Variants in ZBED6 observed in about 807,000 individuals in gnomAD.
ZBED6 encodes zinc finger BED-type containing 6, also known as zinc finger BED domain-containing protein 6.
ZBED6 carries 40 observed loss-of-function variants against 58.4 expected under a neutral mutation model. The ratio of observed to expected loss-of-function variants is 0.68; its 90% CI spans 0.53 to 0.89. ZBED6 has a LOEUF of 0.89. ZBED6 is among the 40% of genes least tolerant of loss of function. The probability of loss-of-function intolerance (pLI) is 0.00; values close to 1 mark genes in which losing one functional copy is unlikely to be tolerated. For missense variants in ZBED6, 1,057 were observed against 1,003.9 expected (o/e 1.05, Z -0.71); for synonymous variants, 439 against 350.6 (o/e 1.25, Z -2.82).
chr1:203,851,017 G>C (rs1395695418), intron 15 of ZBED6, 40 bp from the exon 16 acceptor site: 1 of 1,606,494 alleles, frequency 6.2e-7, no homozygotes, highest in Non-Finnish European at 8.5e-7. Context: ...AAATTAAAAA[G>C]CCTGACTCTC....
intron 11 of ZBED6, among the ~76,000 whole-genome samples, chr1:203,846,115 CAAAAAAA>C (rs34793133): frequency 1.1e-4 from 6 of 53,182 alleles, no homozygotes; most frequent in African/African-American, 3.0e-4. Flanking sequence ...TCGTCTTTAC[CAAAAAAA>C]AAAAAAAAAA....
At chr1:203,815,219 T>TTCTTTTCTTTTC (rs575430164) in intron 1 of ZBED6, among the ~76,000 whole-genome samples, 3 of 129,618 alleles carry the variant, frequency 2.3e-5, no homozygotes, top group Non-Finnish European at 4.9e-5. Context: ...TTCTTTTCTT[T>TTCTTTTCTTTTC]TTTTTTTTTT....
At chr1:203,798,831 A>G (rs1284336965) in exon 1 of ZBED6, 7 of 1,536,164 alleles carry the variant, frequency 4.6e-6, no homozygotes, top group Non-Finnish European at 6.1e-6. Context: ...TCAGAGGTTC[A>G]TGCAGATTGT....
intron 12 of ZBED6, among the ~76,000 whole-genome samples, chr1:203,847,938 C>A (rs1688325820): frequency 6.6e-6 from 1 of 152,182 alleles, no homozygotes; most frequent in African/African-American, 2.4e-5. Context: ...TCACTGTAGC[C>A]TCCACCTCCT....
exon 1 of ZBED6, chr1:203,799,167 C>G: frequency 1.4e-6 from 2 of 1,392,980 alleles, no homozygotes; most frequent in Non-Finnish European, 2.0e-6. Context: ...CCAGATTGGT[C>G]TGTGGCTTTC....
At chr1:203,850,979 A>G in intron 15 of ZBED6, 78 bp from the exon 16 acceptor site, 1 of 1,499,608 alleles carries the variant, frequency 6.7e-7, no homozygotes, top group Non-Finnish European at 9.2e-7. Flanking sequence ...CAATTCTAAG[A>G]AGGCAGCAAA....
At chr1:203,852,330 G>C in exon 17 of ZBED6, 1 of 1,613,730 alleles carries the variant, frequency 6.2e-7, no homozygotes, top group African/African-American at 1.3e-5. Context: ...TGGAAGCTGA[G>C]ATTGACCTGG....
exon 5 of ZBED6, chr1:203,829,570 A>G: frequency 6.2e-7 from 1 of 1,614,140 alleles, no homozygotes; most frequent in Non-Finnish European, 8.5e-7. Context: ...GAGCGTTATG[A>G]AAGTAGAAAG....
rs765281736 is a variant in ZBED6 at position 203,798,980 on chromosome 1, A to G, written c.1458A>G (p.Ile486Met). The change falls in exon 1 of 17, where the codon ATA (isoleucine) becomes ATG (methionine). Residue 486 changes from isoleucine to methionine, a missense_variant. Ile to Met is a conservative substitution (Grantham distance 10). Transcript: ENST00000550078. Reference sequence around the variant, plus strand: ...AAAAGATACACCTGACTGTTGACATATGGACCCATGACCCATCCACTGACT... The same window carrying G: ...AAAAGATACACCTGACTGTTGACATGTGGACCCATGACCCATCCACTGACT... 53 of 1,536,012 alleles carry G rather than the reference A, an allele frequency of 3.5e-5. No homozygotes were observed. The African/African-American group carries it at 5.9e-4, about 17-fold the overall frequency.
chr1:203,843,088 C>T (rs1686920394), intron 11 of ZBED6, among the ~76,000 whole-genome samples: 1 of 152,074 alleles, frequency 6.6e-6, no homozygotes, highest in Non-Finnish European at 1.5e-5. Flanking sequence ...AAAAGGGAGT[C>T]CGATGTTGGA....
chr1:203,824,330 A>T (rs1464247844), intron 3 of ZBED6, among the ~76,000 whole-genome samples: 1 of 152,008 alleles, frequency 6.6e-6, no homozygotes, highest in Non-Finnish European at 1.5e-5. Flanking sequence ...CTTGCATATG[A>T]ATTTTAAAAA....
At chr1:203,812,458 T>C (rs1280884196) in intron 1 of ZBED6, among the ~76,000 whole-genome samples, 1 of 152,220 alleles carries the variant, frequency 6.6e-6, no homozygotes, top group Non-Finnish European at 1.5e-5. Flanking sequence ...CATGATTTTG[T>C]TCCTTTTTAT....
In ZBED6 at chr1:203,808,802, CT is replaced by C. The variant is rs1396973621; in HGVS notation, c.*2554+5794del. Among the ~76,000 whole-genome samples, 8 of 152,006 alleles carry C rather than the reference CT, an allele frequency of 5.3e-5. 1 individual carries two copies. The Middle Eastern group carries it at 0.02, about 388-fold the overall frequency. Reference sequence around the variant, plus strand: ...TCGTCGTCGTCATCGCCATCTTCTTCTTTTTTTTCTTCATTATTATCATTAT... The same window carrying C: ...TCGTCGTCGTCATCGCCATCTTCTTCTTTTTTTCTTCATTATTATCATTAT... On this transcript the variant is annotated intron_variant, in intron 1 of 16. Transcript: ENST00000550078.
At position 203,797,721 on chromosome 1, in the gene ZBED6, G is replaced by A. The variant is rs910540096; in HGVS notation, c.199G>A (p.Gly67Ser). The A allele has an allele frequency of 1.3e-4, 193 of 1,535,104 alleles. No homozygotes were observed. Among genetic ancestry groups the A allele is most frequent in the Non-Finnish European group, 1.6e-4 (188 of 1,146,764 alleles). Residue 67 changes from glycine (G) to serine (S), a missense_variant, in exon 1 of 17, where the codon GGT becomes AGT. Gly to Ser is a moderately conservative substitution (Grantham distance 56). Coordinates refer to ENST00000550078, the Ensembl canonical transcript of ZBED6. ...GCCTGCTAAAAAGAAAAGAAAGAAGGGTTTGCGAATTAAGGGGAAAAGGCG... is the reference window on the plus strand; with the variant it reads ...GCCTGCTAAAAAGAAAAGAAAGAAGAGTTTGCGAATTAAGGGGAAAAGGCG...
chr1:203,799,946 G>T, exon 1 of ZBED6: 2 of 1,536,114 alleles, frequency 1.3e-6, no homozygotes, highest in Non-Finnish European at 1.7e-6. Context: ...CTTCACCAGA[G>T]ATCTGCCAAA....
At chr1:203,851,760 C>G (rs185169530) in intron 16 of ZBED6, among the ~76,000 whole-genome samples, 21 of 151,920 alleles carry the variant, frequency 1.4e-4, no homozygotes, top group Admixed American at 1.3e-3. Flanking sequence ...CTCAGGAGTT[C>G]AAGACCAGCC....
Position 203,819,529 on chromosome 1 carries a change from A to ATTTTTT in ZBED6, c.*2873+857_*2873+862dup, listed in dbSNP as rs755259647. 8.9e-4 allele frequency among the ~76,000 whole-genome samples: 65 copies of ATTTTTT among 72,874 alleles called. 1 individual carries two copies. Among genetic ancestry groups the ATTTTTT allele is most frequent in the African/African-American group, 3.6e-3 (62 of 17,408 alleles). 47.8% of individuals were successfully genotyped at this position (72,874 alleles called of 152,430 possible). A position where few individuals can be genotyped will look rare whatever the true frequency, so the allele number is the denominator to read the frequency against. Reference sequence around the variant, plus strand: ...GAGCCACCGTGCCCAGCTGACTCCAATTTTTTTTTTTTTTTTTTTTTTGAG... The same window carrying ATTTTTT: ...GAGCCACCGTGCCCAGCTGACTCCAATTTTTTTTTTTTTTTTTTTTTTTTTTTTGAG... On this transcript the variant is annotated intron_variant, in intron 3 of 16. Transcript: ENST00000550078.
chr1:203,847,008 AAAAAAAAGAAAAAG>A (rs1004294307), intron 11 of ZBED6, among the ~76,000 whole-genome samples, 162 bp from the exon 12 acceptor site: 3 of 152,166 alleles, frequency 2.0e-5, no homozygotes, highest in Non-Finnish European at 4.4e-5. Context: ...CTGTCTTAAA[AAAAAAAAGAAAAAG>A]AAAAAAAGGA....
At chr1:203,840,310 A>C (rs1304148910) in exon 11 of ZBED6, 2 of 1,611,808 alleles carry the variant, frequency 1.2e-6, no homozygotes, top group Non-Finnish European at 1.7e-6. Context: ...TCACAGCTCA[A>C]GTTTCCAAGT....
Sources: gnomAD v4.1 joint callset for allele counts (sites outside exome capture counted in the v4.1 genomes callset) on GRCh38, gnomAD v4.1.1 for gene constraint, MANE v1.5 for transcripts, NCBI Gene and HGNC (gene_info 2026-07-23, HGNC 2026-07-21) for gene names.